P3H2: variants seen among roughly 807,000 people sequenced by gnomAD.
P3H2 encodes prolyl 3-hydroxylase 2.
A neutral mutation model predicts 87.0 loss-of-function variants in P3H2; 80 were observed. That is an observed-to-expected ratio of 0.92 (90% CI 0.77 to 1.11). P3H2 has a LOEUF of 1.11. P3H2 is among the 50% of genes least tolerant of loss of function. The pLI is 0.00. For synonymous variants in P3H2, 367 were observed against 359.3 expected (o/e 1.02, Z -0.24); for missense variants, 1,001 against 923.9 (o/e 1.08, Z -1.08).
chr3:190,097,077 G>A (rs560562990), intron 1 of P3H2, among the ~76,000 whole-genome samples: 4 of 152,112 alleles, frequency 2.6e-5, no homozygotes, highest in Admixed American at 6.5e-5. Context: ...TTAAACCTCC[G>A]ATTTCTCACA....
intron 8 of P3H2, among the ~76,000 whole-genome samples, chr3:189,975,360 G>T (rs893524056): frequency 6.6e-6 from 1 of 152,158 alleles, no homozygotes; most frequent in Non-Finnish European, 1.5e-5. Context: ...TTCAGAGGGT[G>T]ATGCTTTGGG....
chr3:190,099,149 A>C (rs1019362257), intron 1 of P3H2, among the ~76,000 whole-genome samples: 1 of 152,202 alleles, frequency 6.6e-6, no homozygotes, highest in Non-Finnish European at 1.5e-5. Flanking sequence ...GTCAAGTTTC[A>C]CTTCTTGCAG....
chr3:189,961,471 C>G (rs1722808532), intron 14 of P3H2, among the ~76,000 whole-genome samples: 1 of 152,104 alleles, frequency 6.6e-6, no homozygotes, highest in African/African-American at 2.4e-5. Context: ...GAGAATCGGC[C>G]AGCTCTAATG....
At chr3:190,035,105 T>A (rs1003027659) in intron 1 of P3H2, among the ~76,000 whole-genome samples, 9 of 152,226 alleles carry the variant, frequency 5.9e-5, no homozygotes, top group African/African-American at 1.9e-4. Flanking sequence ...TGCCTCAGCA[T>A]CCTGAAGTGC....
intron 1 of P3H2, among the ~76,000 whole-genome samples, chr3:190,057,638 C>CT (rs34270728): frequency 0.29 from 44,220 of 151,886 alleles, 6,615 homozygotes; most frequent in Middle Eastern, 0.36. Flanking sequence ...AGCCATCACA[C>CT]TTTATCTTAC....
intron 1 of P3H2, among the ~76,000 whole-genome samples, chr3:189,998,188 G>C (rs550685800): frequency 4.0e-5 from 6 of 151,848 alleles, no homozygotes; most frequent in African/African-American, 1.4e-4. Context: ...CATAATATAA[G>C]AGGATAGAGT....
intron 1 of P3H2, among the ~76,000 whole-genome samples, chr3:190,058,357 C>A (rs1262915916): frequency 1.3e-5 from 2 of 152,070 alleles, no homozygotes; most frequent in Admixed American, 1.3e-4. Flanking sequence ...ATTGATGATA[C>A]CTATCCCCGC....
At position 189,974,620 on chromosome 3, in the gene P3H2, G is replaced by C. The variant is rs750783069; in HGVS notation, c.1390C>G (p.Arg464Gly). Residue 464 changes from arginine to glycine, a missense_variant, in exon 9 of 15, where the codon CGG becomes GGG. Arg to Gly is a moderately radical substitution (Grantham distance 125). Coordinates refer to ENST00000319332, the MANE Select transcript of P3H2 (RefSeq NM_018192.4). ...GACAGGACGTTATCCAGGAGAACCC[G>C]CTGAGTCCCGTTCAGCTGCTCCGAG... ...YNSEQLNGTQRVLLDNVLSEE... is the reference protein window; with the variant it reads ...YNSEQLNGTQGVLLDNVLSEE... 6.2e-7 allele frequency: 1 copy of C among 1,614,136 alleles called. No homozygotes were observed. The highest frequency in any genetic ancestry group is 1.1e-5 in the South Asian group (1 of 91,074).
intron 1 of P3H2, among the ~76,000 whole-genome samples, chr3:190,092,139 A>T (rs1727427136): frequency 6.6e-6 from 1 of 151,866 alleles, no homozygotes; most frequent in Admixed American, 6.6e-5. Context: ...AGGCTGAGGT[A>T]GGAGAATGGC....
At chr3:190,096,512 CTT>C (rs1727593021) in intron 1 of P3H2, among the ~76,000 whole-genome samples, 1 of 152,160 alleles carries the variant, frequency 6.6e-6, no homozygotes, top group South Asian at 2.1e-4. Context: ...AATTACACCT[CTT>C]TTCTTCATAA....
rs879286759 is a variant in P3H2, at chr3:189,973,507, C to CTTTTTTTTTTTTTTTTTTTTTT, written c.1548+401_1548+402insAAAAAAAAAAAAAAAAAAAAAA. Among the ~76,000 whole-genome samples, 110 of 78,952 alleles carry CTTTTTTTTTTTTTTTTTTTTTT rather than the reference C, an allele frequency of 1.4e-3. 6 individuals carry two copies. Among genetic ancestry groups the CTTTTTTTTTTTTTTTTTTTTTT allele is most frequent in the Non-Finnish European group, 2.1e-3 (86 of 41,492 alleles). 51.8% of individuals were successfully genotyped at this position (78,952 alleles called of 152,430 possible). A position where few individuals can be genotyped will look rare whatever the true frequency, so the allele number is the denominator to read the frequency against. On this transcript the variant is annotated intron_variant, in intron 10 of 14. Coordinates refer to ENST00000319332, the MANE Select transcript of P3H2 (RefSeq NM_018192.4). Reference sequence around the variant, plus strand: ...TCAAAACTTTTTTCTTTCTTTCTTTCTTTCTTTTTTTTTTTTTTTTTTTTT... The same window carrying CTTTTTTTTTTTTTTTTTTTTTT: ...TCAAAACTTTTTTCTTTCTTTCTTTCTTTTTTTTTTTTTTTTTTTTTTTTTCTTTTTTTTTTTTTTTTTTTTT...
chr3:190,102,600 T>A (rs1456886279), intron 1 of P3H2, among the ~76,000 whole-genome samples: 2 of 152,190 alleles, frequency 1.3e-5, no homozygotes, highest in East Asian at 3.8e-4. Context: ...TTCTTAAGGA[T>A]GAGCAAAAAA....
At chr3:189,961,993 T>C (rs1577240506) in intron 14 of P3H2, among the ~76,000 whole-genome samples, 1 of 152,130 alleles carries the variant, frequency 6.6e-6, no homozygotes, top group East Asian at 1.9e-4. Flanking sequence ...CATAGGTTCC[T>C]TAGTTTAAAA....
Position 190,120,579 on chromosome 3 carries a change from G to A in P3H2, c.153C>T (p.Gly51=), listed in dbSNP as rs1408549362. 6.5e-7 allele frequency: 1 copy of A among 1,540,716 alleles called. No homozygotes were observed. Among genetic ancestry groups the A allele is most frequent in the East Asian group, 2.5e-5 (1 of 39,436 alleles). The part of the protein sequence containing the change: ...LQPFDLLYAS[G]AAAYYSGDYE... ...AGTCTCCGCTGTAGTAGGCGGCCGC[G>A]CCGCTGGCGTAGAGCAGGTCGAAGG... is the stretch of plus-strand genomic sequence containing the variant. Residue 51 remains glycine, a synonymous_variant, in exon 1 of 15, where the codon GGC becomes GGT. Transcript: ENST00000319332.
chr3:190,017,840 AT>A (rs1311875563), intron 1 of P3H2, among the ~76,000 whole-genome samples: 1 of 152,260 alleles, frequency 6.6e-6, no homozygotes, highest in Non-Finnish European at 1.5e-5. Flanking sequence ...GGACATTGGA[AT>A]GGTGAAAACT....
chr3:190,111,711 C>A (rs559098197), intron 1 of P3H2, among the ~76,000 whole-genome samples: 8 of 152,280 alleles, frequency 5.3e-5, no homozygotes, highest in African/African-American at 1.9e-4. Context: ...CTTCCTATTC[C>A]CCACTTGAAT....
rs557371917 is a variant in P3H2 at position 189,994,308 on chromosome 3, AC to A, written c.634-26del. The A allele has an allele frequency of 7.7e-3, 10,964 of 1,421,722 alleles. 287 individuals carry two copies. The highest frequency in any genetic ancestry group is 0.06 in the African/African-American group (4,275 of 71,038). The allele number at this position is 1,421,722 out of a possible 1,614,324, so 88.1% of individuals were successfully genotyped here. A position where few individuals can be genotyped will look rare whatever the true frequency, so the allele number is the denominator to read the frequency against. ...CCTGTAATGAAACAGACGGGAAAAA[AC>A]AAACAAACAAACAAACAAACAAACA... On this transcript the variant is annotated intron_variant, in intron 2 of 14. Coordinates refer to ENST00000319332, the MANE Select transcript of P3H2 (RefSeq NM_018192.4).
At chr3:190,055,164 GT>G (rs143581555) in intron 1 of P3H2, among the ~76,000 whole-genome samples, 3,025 of 152,224 alleles carry the variant, frequency 0.02, 109 homozygotes, top group African/African-American at 0.07. Context: ...ACTGACCCCT[GT>G]TGTCCACAAA....
At chr3:190,045,181 C>T (rs1725761834) in intron 1 of P3H2, among the ~76,000 whole-genome samples, 1 of 152,104 alleles carries the variant, frequency 6.6e-6, no homozygotes, top group African/African-American at 2.4e-5. Flanking sequence ...TTTATAGGAC[C>T]TAATAAAATT....
Sources: gnomAD v4.1 joint callset for allele counts (sites outside exome capture counted in the v4.1 genomes callset) on GRCh38, gnomAD v4.1.1 for gene constraint, MANE v1.5 for transcripts, NCBI Gene and HGNC (gene_info 2026-07-23, HGNC 2026-07-21) for gene names.